The following RGPD3 variants were observed in gnomAD, a reference collection of about 807,000 sequenced individuals.
RGPD3 encodes RANBP2 like and GRIP domain containing 3.
Under a neutral mutation model 154.5 loss-of-function variants are expected in RGPD3, and 62 were observed. The ratio of observed to expected loss-of-function variants is 0.40; its 90% CI spans 0.33 to 0.50. The LOEUF (loss-of-function observed/expected upper bound fraction) is 0.50, where lower values mean the gene tolerates loss of function less well. Ranked by LOEUF, RGPD3 falls within the 20% of genes least tolerant of loss-of-function variation. RGPD3 has a pLI of 0.59. For missense variants in RGPD3, 919 were observed against 1,716.8 expected (o/e 0.54, Z 8.21); for synonymous variants, 308 against 607.0 (o/e 0.51, Z 7.24).
chr2:106,468,073 C>T (rs1678693495), intron 1 of RGPD3, 144 bp downstream of exon 1: 1 of 1,077,066 alleles, frequency 9.3e-7, no homozygotes, highest in Non-Finnish European at 1.2e-6. Context: ...AGGGCCAGGT[C>T]GAGGCCGCCG....
intron 7 of RGPD3, among the ~76,000 whole-genome samples, chr2:106,446,546 G>A (rs1677939500): frequency 2.0e-5 from 2 of 101,454 alleles, no homozygotes; most frequent in Admixed American, 2.0e-4. Context: ...CTCCAGCCTG[G>A]GCGACAGAGC....
intron 7 of RGPD3, among the ~76,000 whole-genome samples, chr2:106,445,260 G>C (rs1195765267): frequency 6.7e-6 from 1 of 149,434 alleles, no homozygotes; most frequent in Non-Finnish European, 1.5e-5. Flanking sequence ...CTGTGCTCCA[G>C]CCTGGGCGAC....
chr2:106,417,586 G>C (rs1192300217), intron 20 of RGPD3, among the ~76,000 whole-genome samples: 1 of 149,718 alleles, frequency 6.7e-6, no homozygotes, highest in African/African-American at 2.5e-5. Context: ...CTCTTCCCGG[G>C]TTACAGTGTG....
intron 6 of RGPD3, among the ~76,000 whole-genome samples, chr2:106,451,087 C>CAAAA (rs10690405): frequency 8.8e-4 from 95 of 108,542 alleles, no homozygotes; most frequent in Middle Eastern, 4.5e-3. Context: ...GACTCCCTCT[C>CAAAA]AAAAAAAAAA....
intron 6 of RGPD3, among the ~76,000 whole-genome samples, chr2:106,448,837 C>A (rs1435342362): frequency 6.6e-6 from 1 of 151,428 alleles, no homozygotes; most frequent in East Asian, 2.0e-4. Flanking sequence ...ACTATAGGCG[C>A]GTACCAACAT....
chr2:106,470,511 CAT>C (rs1411153831), upstream of RGPD3, among the ~76,000 whole-genome samples: 1 of 151,996 alleles, frequency 6.6e-6, no homozygotes, highest in Non-Finnish European at 1.5e-5. Context: ...ATTACTGAGT[CAT>C]GAGTCTTTCT....
intron 1 of RGPD3, among the ~76,000 whole-genome samples, chr2:106,463,057 A>G (rs1678450950): frequency 6.6e-6 from 1 of 151,744 alleles, no homozygotes; most frequent in South Asian, 2.1e-4. Context: ...GAAATGCTAC[A>G]GAACTGAAAG....
chr2:106,409,541 G>A (rs1349868798), intron 22 of RGPD3, among the ~76,000 whole-genome samples: 15 of 152,098 alleles, frequency 9.9e-5, no homozygotes, highest in Admixed American at 9.8e-4. Flanking sequence ...CTATTGTGAG[G>A]CAATGTGTCT....
At chr2:106,468,184 T>G in intron 1 of RGPD3, 33 bp downstream of exon 1, 3 of 1,580,000 alleles carry the variant, frequency 1.9e-6, no homozygotes, top group Non-Finnish European at 2.6e-6. Flanking sequence ...CCCGGCCAGG[T>G]CGAGGCCGTC....
intron 1 of RGPD3, among the ~76,000 whole-genome samples, chr2:106,466,281 C>A (rs1304344882): frequency 1.3e-5 from 2 of 151,722 alleles, no homozygotes; most frequent in African/African-American, 4.8e-5. Flanking sequence ...CACAGGACTG[C>A]GCCAGCCGGC....
At chr2:106,464,788 A>G (rs1678517082) in intron 1 of RGPD3, among the ~76,000 whole-genome samples, 1 of 152,082 alleles carries the variant, frequency 6.6e-6, no homozygotes, top group Non-Finnish European at 1.5e-5. Context: ...CAGTGGTGCA[A>G]TCTCTGCTCA....
intron 20 of RGPD3, among the ~76,000 whole-genome samples, chr2:106,418,289 G>A (rs1052960585): frequency 4.4e-4 from 65 of 148,268 alleles, no homozygotes; most frequent in Admixed American, 7.5e-4. Context: ...AGAGTAGAGG[G>A]CCAAACTACT....
chr2:106,446,553 G>C (rs1485333370), intron 7 of RGPD3, among the ~76,000 whole-genome samples: 1 of 78,916 alleles, frequency 1.3e-5, no homozygotes, highest in African/African-American at 5.0e-5. Context: ...CTGGGCGACA[G>C]AGCGAGACTC....
chr2:106,462,869 G>C (rs1678445785), intron 1 of RGPD3, among the ~76,000 whole-genome samples: 1 of 150,402 alleles, frequency 6.6e-6, no homozygotes, highest in African/African-American at 2.5e-5. Context: ...ATGAGGAAAA[G>C]TCTAGATACT....
intron 20 of RGPD3, among the ~76,000 whole-genome samples, chr2:106,420,353 G>GA (rs1390043019): frequency 2.6e-5 from 4 of 151,574 alleles, no homozygotes; most frequent in Admixed American, 2.6e-4. Flanking sequence ...ATTAGAAACA[G>GA]AAAAAACTTC....
At chr2:106,414,952 T>C (rs1288606115) in intron 21 of RGPD3, among the ~76,000 whole-genome samples, 48 of 152,236 alleles carry the variant, frequency 3.2e-4, no homozygotes, top group African/African-American at 1.1e-3. Flanking sequence ...CTTCAATTTT[T>C]CTCTTAACCA....
rs1343344228 is a variant in RGPD3, at chr2:106,404,093, C to T, written c.*1126G>A. On this transcript the variant is annotated 3_prime_UTR_variant, in exon 23 of 23. Coordinates refer to ENST00000409886, the MANE Select transcript of RGPD3 (RefSeq NM_001144013.2). ...AGGAACTGTGAAGATGTAGCACGGA[C>T]CTCTAAGGTGTCTAAAATCCCTTCT... 6.6e-6 allele frequency among the ~76,000 whole-genome samples: 1 copy of T among 152,036 alleles called. No individual in the cohort carries two copies. The highest frequency in any genetic ancestry group is 1.5e-5 in the Non-Finnish European group (1 of 68,038).
In RGPD3 at chr2:106,456,991, G is replaced by A. The variant is rs1478612667; in HGVS notation, c.385C>T (p.Pro129Ser). ...TTTACCTTTAGTTTATAAATTGCAG[G>A]ACTTCCTGGGAAAAGTTTTGCTGCT... is the stretch of plus-strand genomic sequence containing the variant. ...ERAAKLFPGS[P>S]AIYKLKEQLL... The change falls in exon 4 of 23, where the codon CCT (proline) becomes TCT (serine). Residue 129 changes from proline (P) to serine (S), a missense_variant. Transcript: ENST00000409886. 5.6e-6 allele frequency: 9 copies of A among 1,610,916 alleles called. No homozygotes were observed. The Admixed American group carries it at 1.5e-4, about 27-fold the overall frequency.
chr2:106,418,337 C>A lies in RGPD3; in HGVS notation c.4925-2348G>T, dbSNP rs552881146. ...CCAAAATTAAAAGACTAGATTCTAG[C>A]AATTTTTCAGGATTAGGTATTTCAG... is the stretch of plus-strand genomic sequence containing the variant. On this transcript the variant is annotated intron_variant, in intron 20 of 22. Transcript: ENST00000409886. Among the ~76,000 whole-genome samples the A allele has an allele frequency of 4.9e-3, 739 of 150,136 alleles. 6 individuals are homozygous for A. Among genetic ancestry groups the A allele is most frequent in the African/African-American group, 0.016 (653 of 41,056 alleles).
Sources: gnomAD v4.1 joint callset for allele counts (sites outside exome capture counted in the v4.1 genomes callset) on GRCh38, gnomAD v4.1.1 for gene constraint, MANE v1.5 for transcripts, NCBI Gene and HGNC (gene_info 2026-07-23, HGNC 2026-07-21) for gene names.